Variants in PHKB observed in about 807,000 individuals in gnomAD.
PHKB encodes phosphorylase b kinase regulatory subunit beta.
A neutral mutation model predicts 152.1 loss-of-function variants in PHKB; 122 were observed. That is an observed-to-expected ratio of 0.80 (90% confidence interval 0.69 to 0.93). The LOEUF (loss-of-function observed/expected upper bound fraction) is 0.93. Ranked by LOEUF, PHKB falls within the 40% of genes least tolerant of loss-of-function variation. The probability of loss-of-function intolerance (pLI) is 0.00; values close to 1 mark genes in which losing one functional copy is unlikely to be tolerated. For missense variants in PHKB, 1,304 were observed against 1,328.4 expected (o/e 0.98, Z 0.29); for synonymous variants, 436 against 464.9 (o/e 0.94, Z 0.80).
At chr16:47,674,993 A>C (rs1477080447) in intron 26 of PHKB, among the ~76,000 whole-genome samples, 1 of 152,354 alleles carries the variant, frequency 6.6e-6, no homozygotes, top group African/African-American at 2.4e-5. Context: ...TTAAGTGACT[A>C]TCTCAGGCAA....
At chr16:47,663,527 A>G (rs1407923026) in intron 23 of PHKB, 150 bp from the exon 24 acceptor site, 20 of 665,212 alleles carry the variant, frequency 3.0e-5, no homozygotes, top group Non-Finnish European at 5.3e-5. Flanking sequence ...TATTTGAGTT[A>G]CATATTTAAA....
chr16:47,598,657 A>G, intron 13 of PHKB: 1 of 1,501,274 alleles, frequency 6.7e-7, no homozygotes, highest in Non-Finnish European at 9.2e-7. Context: ...TAATAATTAT[A>G]TTGGCCATTT....
At chr16:47,473,218 A>ATTTTTTTCTTTTTTTT (rs1969807742) in intron 1 of PHKB, among the ~76,000 whole-genome samples, 1 of 48,738 alleles carries the variant, frequency 2.1e-5, no homozygotes, top group African/African-American at 7.8e-5. Context: ...TGCCTGGCTA[A>ATTTTTTTCTTTTTTTT]TTTTTTTTTT....
At chr16:47,665,611 C>T (rs913942294) in intron 25 of PHKB, 2 of 369,558 alleles carry the variant, frequency 5.4e-6, no homozygotes, top group African/African-American at 4.2e-5. Context: ...AATCAGAATA[C>T]CCTCTTAATC....
intron 1 of PHKB, among the ~76,000 whole-genome samples, chr16:47,477,713 G>C (rs1207486710): frequency 6.6e-6 from 1 of 152,108 alleles, no homozygotes; most frequent in Non-Finnish European, 1.5e-5. Flanking sequence ...AAACTACATG[G>C]CTCTGACTGC....
chr16:47,474,675 A>G (rs1443498141), intron 1 of PHKB, among the ~76,000 whole-genome samples: 2 of 152,082 alleles, frequency 1.3e-5, no homozygotes, highest in East Asian at 3.8e-4. Context: ...TAAATCAACA[A>G]TATGTCAAAA....
At chr16:47,616,436 CT>C (rs1567328664) in intron 14 of PHKB, among the ~76,000 whole-genome samples, 2 of 142,576 alleles carry the variant, frequency 1.4e-5, no homozygotes, top group African/African-American at 5.0e-5. Flanking sequence ...TAAATTTTTT[CT>C]TTTTTTAAAT....
Position 47,582,733 on chromosome 16 carries a change from T to A in PHKB, c.774+2375T>A, listed in dbSNP as rs550196004. Among the ~76,000 whole-genome samples, 16 of 152,362 alleles carry A rather than the reference T, an allele frequency of 1.1e-4. No individual in the cohort carries two copies. The South Asian group carries it at 2.9e-3, about 28-fold the overall frequency. ...TCCAGTGGAGCTATGCACCAAATAT[T>A]TGCTGAATTGACTACTACTTGATTG... On this transcript the variant is annotated intron_variant, in intron 8 of 30. Transcript: ENST00000323584.
chr16:47,628,026 A>G (rs1169476017), intron 14 of PHKB, among the ~76,000 whole-genome samples: 3 of 152,294 alleles, frequency 2.0e-5, no homozygotes, highest in Admixed American at 1.3e-4. Context: ...ATGAAGTCTA[A>G]TGAGCATAAA....
intron 6 of PHKB, among the ~76,000 whole-genome samples, chr16:47,546,825 C>A (rs1227738307): frequency 2.0e-5 from 3 of 152,116 alleles, no homozygotes; most frequent in Non-Finnish European, 2.9e-5. Flanking sequence ...CCCCCCTCCC[C>A]CAGCCAGGCT....
chr16:47,490,594 G>A (rs997442508), intron 1 of PHKB, among the ~76,000 whole-genome samples: 6 of 152,106 alleles, frequency 3.9e-5, no homozygotes, highest in African/African-American at 1.2e-4. Flanking sequence ...CAAAAGCCAG[G>A]TATCAGGAAA....
rs767133878 is a variant in PHKB, at chr16:47,580,334, T to C, written c.750T>C (p.Asn250=). 1 of 1,612,804 alleles carries C rather than the reference T, an allele frequency of 6.2e-7. No homozygotes were observed. The highest frequency in any genetic ancestry group is 8.5e-7 in the Non-Finnish European group (1 of 1,179,010). The change falls in exon 8 of 31, where the codon AAT becomes AAC. Residue 250 remains asparagine, a synonymous_variant. Transcript: ENST00000323584. ...CAAAAGCAGCTCTAGAAGCAATTAA[T>C]GGATTCAACCTTTTTGGCAACCAGG... is the stretch of plus-strand genomic sequence containing the variant. ...GLAKAALEAI[N]GFNLFGNQGC...
intron 26 of PHKB, among the ~76,000 whole-genome samples, chr16:47,679,462 G>A (rs546790676): frequency 6.6e-6 from 1 of 152,260 alleles, no homozygotes; most frequent in East Asian, 1.9e-4. Flanking sequence ...GTGGTTTGTA[G>A]TTCTCCTTGA....
intron 1 of PHKB, among the ~76,000 whole-genome samples, chr16:47,469,338 A>G (rs919843991): frequency 2.6e-5 from 4 of 152,208 alleles, no homozygotes; most frequent in African/African-American, 9.7e-5. Context: ...TAGCAAAGAC[A>G]TGGAATCAAC....
In PHKB at chr16:47,500,232, T is replaced by G. The variant is rs137952311; in HGVS notation, c.305+338T>G. On this transcript the variant is annotated intron_variant, in intron 3 of 30. Transcript: ENST00000323584. ...TTTGTATTTTTGATAGAGATGGGGT[T>G]TCTGTTGGCCAGGCTGGTCTCGAAA... Among the ~76,000 whole-genome samples, 10 of 152,202 alleles carry G rather than the reference T, an allele frequency of 6.6e-5. No homozygotes were observed. In the East Asian group the frequency reaches 1.9e-3, roughly 29 times the overall value.
chr16:47,601,460 C>G (rs184547326), intron 13 of PHKB, among the ~76,000 whole-genome samples: 1 of 152,138 alleles, frequency 6.6e-6, no homozygotes, highest in African/African-American at 2.4e-5. Flanking sequence ...AATCCCAGCA[C>G]TTTGGAAGGC....
At chr16:47,692,862 A>C (rs1420033045) in intron 27 of PHKB, among the ~76,000 whole-genome samples, 1 of 152,182 alleles carries the variant, frequency 6.6e-6, no homozygotes, top group Non-Finnish European at 1.5e-5. Flanking sequence ...AAACTTCTAT[A>C]AGGTTTAAAA....
At chr16:47,619,814 A>C (rs1033732721) in intron 14 of PHKB, among the ~76,000 whole-genome samples, 2 of 152,248 alleles carry the variant, frequency 1.3e-5, no homozygotes, top group Admixed American at 6.5e-5. Flanking sequence ...CAGAAACTGC[A>C]AGCAGCTGGC....
At chr16:47,691,809 G>A (rs1974065709) in intron 27 of PHKB, among the ~76,000 whole-genome samples, 1 of 151,990 alleles carries the variant, frequency 6.6e-6, no homozygotes, top group African/African-American at 2.4e-5. Context: ...AAAATGAAAA[G>A]ACAAAAAATA....
Sources: allele counts gnomAD v4.1 joint callset (sites outside exome capture counted in the v4.1 genomes callset), GRCh38; gene constraint gnomAD v4.1.1; transcripts MANE v1.5; gene names NCBI Gene and HGNC (gene_info 2026-07-23, HGNC 2026-07-21).